Variants in NSFL1C observed in about 807,000 individuals in gnomAD.
NSFL1C encodes NSFL1 cofactor, also known as NSFL1 cofactor p47.
A neutral mutation model predicts 43.1 loss-of-function variants in NSFL1C; 14 were observed. That is an observed-to-expected ratio of 0.32 (90% CI 0.21 to 0.51). The LOEUF (loss-of-function observed/expected upper bound fraction) is 0.51. Ranked by LOEUF, NSFL1C falls within the 20% of genes least tolerant of loss-of-function variation. The pLI, the probability that NSFL1C is intolerant of heterozygous loss-of-function variation, is 0.98. For synonymous variants in NSFL1C, 171 were observed against 183.5 expected (o/e 0.93, Z 0.55); for missense variants, 406 against 472.5 (o/e 0.86, Z 1.30).
At chr20:1,459,608 CAG>C (rs552189223) in intron 2 of NSFL1C, among the ~76,000 whole-genome samples, 4 of 152,288 alleles carry the variant, frequency 2.6e-5, no homozygotes, top group African/African-American at 7.2e-5. Flanking sequence ...AGGAGACAAT[CAG>C]GGGACAGAAG....
chr20:1,458,411 T>G (rs2090346406), intron 2 of NSFL1C, 137 bp from the exon 3 acceptor site: 1 of 654,788 alleles, frequency 1.5e-6, no homozygotes, highest in African/African-American at 1.8e-5. Context: ...GGAGAAAGGT[T>G]AATCCCCTAA....
intron 7 of NSFL1C, among the ~76,000 whole-genome samples, chr20:1,449,855 A>C (rs1264454064): frequency 6.6e-6 from 1 of 152,146 alleles, no homozygotes; most frequent in Non-Finnish European, 1.5e-5. Flanking sequence ...GCACGGGAGC[A>C]GCTAAAGCTC....
At chr20:1,450,666 T>C in intron 7 of NSFL1C, among the ~76,000 whole-genome samples, 1 of 152,200 alleles carries the variant, frequency 6.6e-6, no homozygotes, top group East Asian at 1.9e-4. Flanking sequence ...GCATAAAAAA[T>C]ATAGCCTTTT....
Position 1,455,087 on chromosome 20 carries a change from G to A in NSFL1C, c.324C>T (p.Gly108=), listed in dbSNP as rs571222459. 2.8e-5 allele frequency: 46 copies of A among 1,614,112 alleles called. No individual in the cohort carries two copies. The highest frequency in any genetic ancestry group is 2.8e-4 in the African/African-American group (21 of 75,014). ...CGTTGGGACTTTTCTTCCTGGGAGG[G>A]CCAACAATCTGCTGTCCACTTCTCT... The part of the protein sequence containing the change: ...GSERSGQQIV[G]PPRKKSPNEL... The change falls in exon 4 of 9, where the codon GGC becomes GGT. Residue 108 remains glycine, a synonymous_variant. Transcript: ENST00000216879.
At chr20:1,462,929 C>T (rs1042590494) in intron 2 of NSFL1C, among the ~76,000 whole-genome samples, 3 of 152,154 alleles carry the variant, frequency 2.0e-5, no homozygotes, top group Non-Finnish European at 4.4e-5. Context: ...ATTATAATAA[C>T]AACACATGCT....
chr20:1,455,595 A>G (rs1320661974), intron 3 of NSFL1C: 2 of 769,222 alleles, frequency 2.6e-6, no homozygotes, highest in Non-Finnish European at 4.8e-6. Context: ...GGTTAGTACA[A>G]GCAGCTAGGC....
At chr20:1,448,817 C>T (rs1324864270) in intron 7 of NSFL1C, among the ~76,000 whole-genome samples, 1 of 152,172 alleles carries the variant, frequency 6.6e-6, no homozygotes, top group African/African-American at 2.4e-5. Flanking sequence ...ACGGTAGAGG[C>T]AGTATACAAT....
rs773991015 is a variant in NSFL1C, at chr20:1,464,440, G to A, written c.106-14C>T. The A allele has an allele frequency of 2.5e-6, 4 of 1,611,506 alleles. No homozygotes were observed. Among genetic ancestry groups the A allele is most frequent in the Middle Eastern group, 1.6e-4 (1 of 6,082 alleles). ...CGCTAGCGCGATCTGAAACAGAGAG[G>A]TAGTACCTTGGGACCCTTAAACAGG... On this transcript the variant is annotated splice_polypyrimidine_tract_variant and intron_variant, in intron 1 of 8. Transcript: ENST00000216879.
intron 2 of NSFL1C, among the ~76,000 whole-genome samples, chr20:1,460,542 T>C (rs1201279771): frequency 2.0e-5 from 3 of 152,194 alleles, no homozygotes; most frequent in South Asian, 2.1e-4. Context: ...GAAAGTTCAA[T>C]TTTTCAATAT....
chr20:1,457,983 A>C, intron 3 of NSFL1C: 1 of 434,164 alleles, frequency 2.3e-6, no homozygotes, highest in Non-Finnish European at 4.2e-6. Context: ...CCCTCCCCTA[A>C]TATTCCTCAA....
At position 1,445,742 on chromosome 20, in the gene NSFL1C, A is replaced by AT; in HGVS notation, c.873dup (p.Ser292IlefsTer22). ...ATTTGGATGTTTGTGGTAGGCTCTG[A>AT]TTCGTCGATTAAGATGGAAGAGCTG... On this transcript the variant is annotated frameshift_variant, in exon 8 of 9. Transcript: ENST00000216879. LOFTEE classifies it high-confidence loss of function. 2 of 1,614,030 alleles carry AT rather than the reference A, an allele frequency of 1.2e-6. No homozygotes were observed. Among genetic ancestry groups the AT allele is most frequent in the Non-Finnish European group, 1.7e-6 (2 of 1,180,004 alleles).
chr20:1,444,608 C>G (rs2090018573), intron 8 of NSFL1C, among the ~76,000 whole-genome samples: 1 of 152,154 alleles, frequency 6.6e-6, no homozygotes, highest in South Asian at 2.1e-4. Context: ...CTTTTTGCCC[C>G]AAACCCCTAA....
chr20:1,448,350 C>T (rs905159088), intron 7 of NSFL1C, among the ~76,000 whole-genome samples: 2 of 152,186 alleles, frequency 1.3e-5, no homozygotes, highest in South Asian at 4.1e-4. Flanking sequence ...CTTCCCAGGG[C>T]TTCAGTGTCT....
At chr20:1,456,596 T>C (rs1324278241) in intron 3 of NSFL1C, 3 of 152,192 alleles carry the variant, frequency 2.0e-5, no homozygotes, top group Non-Finnish European at 2.9e-5. Context: ...ACCCATGAAA[T>C]GAGGCTGGCG....
chr20:1,457,887 G>T, intron 3 of NSFL1C: 1 of 270,672 alleles, frequency 3.7e-6, no homozygotes, highest in Non-Finnish European at 7.2e-6. Flanking sequence ...CAATGAGCAC[G>T]GGAACGTAGA....
chr20:1,449,956 C>T (rs748283362), intron 7 of NSFL1C, among the ~76,000 whole-genome samples: 80 of 152,170 alleles, frequency 5.3e-4, no homozygotes, highest in Non-Finnish European at 2.8e-4. Context: ...AACAAACTAA[C>T]GTAAAACCTA....
At position 1,463,580 on chromosome 20, in the gene NSFL1C, T is replaced by C. The variant is rs944672665; in HGVS notation, c.203+749A>G. 1.2e-4 allele frequency: 19 copies of C among 152,188 alleles called. 1 individual carries two copies. The highest frequency in any genetic ancestry group is 2.1e-4 in the Non-Finnish European group (14 of 68,034). 9.4% of individuals were successfully genotyped at this position (152,188 alleles called of 1,614,324 possible). ...ACCACTTCATGGCAAAGAAACACTG[T>C]TGGTTATATTCTGGGGTTGAATTCA... On this transcript the variant is annotated intron_variant, in intron 2 of 8. Transcript: ENST00000216879.
chr20:1,448,031 T>C (rs561263315), intron 7 of NSFL1C, among the ~76,000 whole-genome samples: 41 of 152,350 alleles, frequency 2.7e-4, no homozygotes, highest in African/African-American at 9.6e-4. Context: ...TTACGATGGT[T>C]TTAGAAAAAT....
At chr20:1,460,213 T>G (rs1267561675) in intron 2 of NSFL1C, among the ~76,000 whole-genome samples, 1 of 152,214 alleles carries the variant, frequency 6.6e-6, no homozygotes, top group Non-Finnish European at 1.5e-5. Flanking sequence ...TTTTGCATGG[T>G]GTGGCACATT....
Sources: gnomAD v4.1 joint callset for allele counts (sites outside exome capture counted in the v4.1 genomes callset) on GRCh38, gnomAD v4.1.1 for gene constraint, MANE v1.5 for transcripts, NCBI Gene and HGNC (gene_info 2026-07-23, HGNC 2026-07-21) for gene names.